Variants in TXLNB observed in about 807,000 individuals in gnomAD.
TXLNB encodes the protein taxilin beta, also known as beta-taxilin.
TXLNB carries 37 observed loss-of-function variants against 57.4 expected under a neutral mutation model. The ratio of observed to expected loss-of-function variants is 0.64; its 90% CI spans 0.50 to 0.85. The LOEUF is 0.85. Ranked by LOEUF, TXLNB falls within the 40% of genes least tolerant of loss-of-function variation. The pLI is 0.00. For synonymous variants in TXLNB, 302 were observed against 309.6 expected, an observed-to-expected ratio of 0.98 and a Z score of 0.26; for missense variants, 848 against 825.6, an observed-to-expected ratio of 1.03 and a Z score of -0.33.
chr6:139,239,955 T>G (rs1402068926), downstream of TXLNB: 1 of 151,866 alleles, frequency 6.6e-6, no homozygotes, highest in Non-Finnish European at 1.5e-5. The surrounding 1 kb of genome is among the most constrained non-coding windows in gnomAD (Gnocchi z 4.7). Flanking sequence ...CTTAATAAAC[T>G]ACAGAATAAA....
chr6:139,259,356 C>T (rs1210879755), intron 6 of TXLNB, among the ~76,000 whole-genome samples: 1 of 152,202 alleles, frequency 6.6e-6, no homozygotes. Flanking sequence ...CAGTTTGGCA[C>T]CTGCTTACCT....
At chr6:139,213,730 G>T in the TXLNB span, among the ~76,000 whole-genome samples, 1 of 152,064 alleles carries the variant, frequency 6.6e-6, no homozygotes, top group East Asian at 1.9e-4. Context: ...TAGACCACTA[G>T]CAAGACCAAT....
At position 139,242,576 on chromosome 6, in the gene TXLNB, C is replaced by A; in HGVS notation, c.2005G>T (p.Gly669Trp). ...AEELPVGASA[G>W]PQPRNVADTN... ...TCAGCCACGTTGCGCGGCTGGGGCCCAGCTGAGGCCCCTACTGGCAGCTCC... is the reference window on the plus strand; with the variant it reads ...TCAGCCACGTTGCGCGGCTGGGGCCAAGCTGAGGCCCCTACTGGCAGCTCC... Residue 669 changes from glycine (G) to tryptophan (W), a missense_variant, in exon 10 of 10, where the codon GGG (glycine) becomes TGG (tryptophan). Coordinates refer to ENST00000358430, the MANE Select transcript of TXLNB (RefSeq NM_153235.4). The A allele has an allele frequency of 2.0e-6, 3 of 1,526,066 alleles. No homozygotes were observed. The highest frequency in any genetic ancestry group is 2.6e-6 in the Non-Finnish European group (3 of 1,140,474). 94.5% of individuals were successfully genotyped at this position (1,526,066 alleles called of 1,614,324 possible). A position where few individuals can be genotyped will look rare whatever the true frequency, so the allele number is the denominator to read the frequency against.
the TXLNB span, among the ~76,000 whole-genome samples, chr6:139,160,804 G>A: frequency 1.3e-5 from 2 of 152,216 alleles, no homozygotes; most frequent in Admixed American, 6.5e-5. Context: ...TATCTGGGGA[G>A]TGAAATACAG....
the TXLNB span, among the ~76,000 whole-genome samples, chr6:139,230,860 G>C: frequency 6.6e-6 from 1 of 152,310 alleles, no homozygotes; most frequent in East Asian, 1.9e-4. Flanking sequence ...TGAAAAAGTA[G>C]CTAGCCACAT....
chr6:139,212,799 A>G, the TXLNB span, among the ~76,000 whole-genome samples: 2 of 152,260 alleles, frequency 1.3e-5, no homozygotes, highest in South Asian at 4.1e-4. Context: ...CCAAGCAAAT[A>G]GAAAACAAAA....
the TXLNB span, among the ~76,000 whole-genome samples, chr6:139,211,871 G>C: frequency 6.6e-6 from 1 of 152,178 alleles, no homozygotes; most frequent in Admixed American, 6.6e-5. Flanking sequence ...CTGGAAGAAA[G>C]GGTATCAGCG....
the TXLNB span, among the ~76,000 whole-genome samples, chr6:139,161,255 A>C: frequency 5.2e-4 from 79 of 152,026 alleles, 1 homozygote; most frequent in Non-Finnish European, 1.8e-4. Context: ...CATAGGGTGA[A>C]GTGTCTGTTG....
chr6:139,185,432 T>C, the TXLNB span, among the ~76,000 whole-genome samples: 7 of 152,226 alleles, frequency 4.6e-5, no homozygotes, highest in Admixed American at 3.3e-4. Context: ...CCGGGTGCAG[T>C]GACTCAGGCC....
chr6:139,259,112 T>C (rs1398747148), intron 6 of TXLNB, among the ~76,000 whole-genome samples: 1 of 152,186 alleles, frequency 6.6e-6, no homozygotes, highest in East Asian at 1.9e-4. Flanking sequence ...ACCCCTCTTC[T>C]CTGCTGCCAT....
the TXLNB span, among the ~76,000 whole-genome samples, chr6:139,200,627 G>A: frequency 6.6e-6 from 1 of 152,130 alleles, no homozygotes; most frequent in Non-Finnish European, 1.5e-5. Context: ...GAGGTGGAGA[G>A]AATGGACAGA....
chr6:139,233,107 T>G, the TXLNB span, among the ~76,000 whole-genome samples: 1 of 151,936 alleles, frequency 6.6e-6, no homozygotes, highest in Non-Finnish European at 1.5e-5. Flanking sequence ...ATGTAAACAC[T>G]CAAATCTGGT....
At chr6:139,280,609 C>T (rs1777023072) in intron 2 of TXLNB, among the ~76,000 whole-genome samples, 2 of 152,336 alleles carry the variant, frequency 1.3e-5, no homozygotes, top group South Asian at 4.1e-4. Flanking sequence ...GGCCACTCCA[C>T]TCCAGCCTGG....
At chr6:139,190,310 T>C in the TXLNB span, among the ~76,000 whole-genome samples, 2 of 94,330 alleles carry the variant, frequency 2.1e-5, no homozygotes, top group African/African-American at 7.1e-5. Flanking sequence ...TCTTTCTTTC[T>C]TTTTTTTTTT....
intron 7 of TXLNB, among the ~76,000 whole-genome samples, chr6:139,252,161 A>C (rs1776223061): frequency 6.6e-6 from 1 of 152,230 alleles, no homozygotes; most frequent in South Asian, 2.1e-4. Flanking sequence ...ATTGGCCAGC[A>C]GTTGTCTTAT....
At chr6:139,171,431 T>G in the TXLNB span, among the ~76,000 whole-genome samples, 4 of 152,204 alleles carry the variant, frequency 2.6e-5, no homozygotes, top group East Asian at 7.7e-4. Flanking sequence ...GAACGTTTGA[T>G]GTAAAACCTG....
the TXLNB span, chr6:139,165,891 G>GT: frequency 6.1e-6 from 1 of 165,096 alleles, no homozygotes. Flanking sequence ...AAGAATTCTG[G>GT]TTTTTTCCTT....
chr6:139,197,409 G>A, the TXLNB span, among the ~76,000 whole-genome samples: 16,829 of 152,130 alleles, frequency 0.11, 1,414 homozygotes, highest in African/African-American at 0.22. Flanking sequence ...GGAGTAGTAC[G>A]TGGCACCTAG....
At chr6:139,250,680 G>T (rs1776182501) in intron 7 of TXLNB, among the ~76,000 whole-genome samples, 1 of 152,088 alleles carries the variant, frequency 6.6e-6, no homozygotes, top group Non-Finnish European at 1.5e-5. Flanking sequence ...AGAGGCCTCA[G>T]ACACTGTGGT....
Sources: gnomAD v4.1 joint callset for allele counts (sites outside exome capture counted in the v4.1 genomes callset) on GRCh38, gnomAD v4.1.1 for gene constraint, Gnocchi (gnomAD v3.1) non-coding constraint, MANE v1.5 for transcripts, NCBI Gene and HGNC (gene_info 2026-07-23, HGNC 2026-07-21) for gene names.